Variants in TAF3 observed in about 807,000 individuals in gnomAD.
The protein encoded by TAF3 is transcription initiation factor TFIID subunit 3.
TAF3 carries 7 observed loss-of-function variants against 80.6 expected under a neutral mutation model. The observed-to-expected ratio is 0.09, with a 90% CI of 0.05 to 0.16. The LOEUF (loss-of-function observed/expected upper bound fraction) is 0.16, where lower values mean the gene tolerates loss of function less well. Ranked by LOEUF, TAF3 falls within the 10% of genes least tolerant of loss-of-function variation. The pLI is 1.00. For synonymous variants in TAF3, 444 were observed against 446.1 expected, an observed-to-expected ratio of 1.00 and a Z score of 0.06; for missense variants, 921 against 1,140.2, an observed-to-expected ratio of 0.81 and a Z score of 2.77.
At chr10:8,008,618 A>G (rs1388123919) in intron 4 of TAF3, among the ~76,000 whole-genome samples, 1 of 152,226 alleles carries the variant, frequency 6.6e-6, no homozygotes, top group Non-Finnish European at 1.5e-5. Context: ...GGCTTCCAAC[A>G]GCAAATGTGT....
intron 2 of TAF3, among the ~76,000 whole-genome samples, chr10:7,944,126 TG>T (rs1228825646): frequency 4.0e-5 from 6 of 151,298 alleles, no homozygotes; most frequent in Admixed American, 2.0e-4. Flanking sequence ...TGTGTGTGTG[TG>T]TGTGTGTGTT....
chr10:7,849,059 C>G (rs758703650), intron 2 of TAF3, among the ~76,000 whole-genome samples: 1 of 152,152 alleles, frequency 6.6e-6, no homozygotes, highest in Non-Finnish European at 1.5e-5. Context: ...AGGCTAAACT[C>G]TAGAATTAAA....
At chr10:7,848,864 A>T (rs1288600074) in intron 2 of TAF3, among the ~76,000 whole-genome samples, 1 of 152,222 alleles carries the variant, frequency 6.6e-6, no homozygotes, top group Non-Finnish European at 1.5e-5. Context: ...CACAGTTGTC[A>T]GGCCTGCCAA....
At chr10:7,896,926 T>A (rs1160700790) in intron 2 of TAF3, among the ~76,000 whole-genome samples, 1 of 152,192 alleles carries the variant, frequency 6.6e-6, no homozygotes, top group African/African-American at 2.4e-5. Flanking sequence ...TTGGTAGATT[T>A]TTGTTCCTTG....
intron 3 of TAF3, among the ~76,000 whole-genome samples, chr10:7,973,013 A>AG (rs1491355324): frequency 6.6e-6 from 1 of 152,218 alleles, no homozygotes; most frequent in African/African-American, 2.4e-5. Context: ...TAGGGTGAAC[A>AG]GGGGATGAAT....
At chr10:7,837,276 T>C (rs1282663342) in intron 2 of TAF3, among the ~76,000 whole-genome samples, 1 of 151,790 alleles carries the variant, frequency 6.6e-6, no homozygotes. Context: ...GGCAGGAGAA[T>C]TGCTTGAACC....
chr10:8,006,179 TACACACACACACACACACACAC>T (rs59502450), intron 4 of TAF3, among the ~76,000 whole-genome samples: 3 of 134,676 alleles, frequency 2.2e-5, no homozygotes, highest in East Asian at 4.4e-4. Flanking sequence ...AAAAAAAAAA[TACACACACACACACACACACAC>T]ACACACACAC....
intron 3 of TAF3, among the ~76,000 whole-genome samples, chr10:7,969,748 T>C (rs1365850431): frequency 1.3e-5 from 2 of 152,210 alleles, no homozygotes; most frequent in African/African-American, 4.8e-5. Context: ...ACCCCAAAAA[T>C]GCTGACATCA....
intron 4 of TAF3, among the ~76,000 whole-genome samples, chr10:7,996,906 C>G (rs1187150514): frequency 6.7e-6 from 1 of 149,340 alleles, no homozygotes; most frequent in African/African-American, 2.5e-5. Context: ...GTTGCCCAGG[C>G]TGGTGTCAAA....
At chr10:7,851,689 T>C (rs1202684256) in intron 2 of TAF3, among the ~76,000 whole-genome samples, 2 of 152,174 alleles carry the variant, frequency 1.3e-5, no homozygotes, top group African/African-American at 4.8e-5. Context: ...TTATTTTATT[T>C]TACCCACAAA....
chr10:7,821,182 A>T (rs1836686747), intron 1 of TAF3, among the ~76,000 whole-genome samples: 1 of 151,780 alleles, frequency 6.6e-6, no homozygotes, highest in African/African-American at 2.4e-5. Context: ...TTCAGTGAGA[A>T]TGAGATTGTC....
intron 2 of TAF3, among the ~76,000 whole-genome samples, chr10:7,927,087 A>T (rs1414123847): frequency 6.6e-6 from 1 of 152,226 alleles, no homozygotes; most frequent in Non-Finnish European, 1.5e-5. Context: ...TGATAAAGAA[A>T]CAAGCACTGG....
chr10:7,896,827 T>C (rs1564358927), intron 2 of TAF3, among the ~76,000 whole-genome samples: 1 of 151,854 alleles, frequency 6.6e-6, no homozygotes, highest in Non-Finnish European at 1.5e-5. Flanking sequence ...AGATTCTCTC[T>C]TTAAGGTCTA....
chr10:7,881,385 C>A (rs915750724), intron 2 of TAF3, among the ~76,000 whole-genome samples: 4 of 151,924 alleles, frequency 2.6e-5, no homozygotes, highest in African/African-American at 9.7e-5. Flanking sequence ...GCCTTTAATG[C>A]CGCCTCCAAG....
chr10:7,998,617 T>A (rs990903610), intron 4 of TAF3, among the ~76,000 whole-genome samples: 12 of 151,818 alleles, frequency 7.9e-5, no homozygotes, highest in Non-Finnish European at 1.6e-4. Flanking sequence ...GGAGGCCAAA[T>A]CACCTGAAGT....
chr10:7,852,696 A>T (rs759984776), intron 2 of TAF3, among the ~76,000 whole-genome samples: 2 of 152,208 alleles, frequency 1.3e-5, no homozygotes, highest in African/African-American at 2.4e-5. Flanking sequence ...TGTGGGTGTG[A>T]TTTTAGCAAA....
At chr10:8,002,519 C>CTT (rs1831954122) in intron 4 of TAF3, among the ~76,000 whole-genome samples, 2 of 152,102 alleles carry the variant, frequency 1.3e-5, no homozygotes, top group Admixed American at 6.5e-5. Flanking sequence ...ATTAGAAAGG[C>CTT]TTTTTGTTCC....
At chr10:7,852,631 G>A (rs913755884) in intron 2 of TAF3, among the ~76,000 whole-genome samples, 1 of 152,128 alleles carries the variant, frequency 6.6e-6, no homozygotes, top group South Asian at 2.1e-4. Context: ...CATAGCTGGG[G>A]GTGTGTAACT....
At chr10:7,981,516 T>C (rs758248192) in intron 4 of TAF3, among the ~76,000 whole-genome samples, 17 of 152,256 alleles carry the variant, frequency 1.1e-4, no homozygotes, top group Non-Finnish European at 2.2e-4. Flanking sequence ...ACAATATTAT[T>C]ATCAATGGTA....
Sources: allele counts gnomAD v4.1 joint callset (sites outside exome capture counted in the v4.1 genomes callset), GRCh38; gene constraint gnomAD v4.1.1; transcripts MANE v1.5; gene names NCBI Gene and HGNC (gene_info 2026-07-23, HGNC 2026-07-21).